Variants in MAGI2 observed in about 807,000 individuals in gnomAD.
MAGI2 encodes the protein membrane associated guanylate kinase, WW and PDZ domain containing 2.
MAGI2 carries 35 observed loss-of-function variants against 133.3 expected under a neutral mutation model. The ratio of observed to expected loss-of-function variants is 0.26; its 90% confidence interval spans 0.20 to 0.35. The LOEUF (loss-of-function observed/expected upper bound fraction) is 0.35. Among genes scored for constraint, MAGI2 ranks in the 10% least tolerant of loss-of-function variants. The probability of loss-of-function intolerance (pLI) is 1.00; values close to 1 mark genes in which losing one functional copy is unlikely to be tolerated. For missense variants in MAGI2, 1,636 were observed against 1,863.4 expected, an observed-to-expected ratio of 0.88 and a Z score of 2.25; for synonymous variants, 729 against 710.6, an observed-to-expected ratio of 1.03 and a Z score of -0.41.
intron 1 of MAGI2, among the ~76,000 whole-genome samples, chr7:79,028,235 GTATATATATA>G (rs1174096501): frequency 1.1e-3 from 31 of 29,330 alleles, no homozygotes; most frequent in African/African-American, 2.4e-3. Flanking sequence ...ATATATGTAT[GTATATATATA>G]TATATATATA....
intron 3 of MAGI2, chr7:78,616,669 T>C (rs1427748180): frequency 6.6e-6 from 1 of 152,128 alleles, no homozygotes; most frequent in African/African-American, 2.4e-5. Context: ...TTATCACACT[T>C]AGGACATGTG....
At chr7:79,131,944 A>G (rs1268352484) in intron 1 of MAGI2, among the ~76,000 whole-genome samples, 1 of 152,174 alleles carries the variant, frequency 6.6e-6, no homozygotes, top group African/African-American at 2.4e-5. Flanking sequence ...TATTACTTAA[A>G]TACGTGTAAA....
chr7:78,882,080 CAACAACAAAAA>C (rs1306479860), intron 2 of MAGI2, among the ~76,000 whole-genome samples: 1 of 15,004 alleles, frequency 6.7e-5, no homozygotes, highest in Non-Finnish European at 1.2e-4. Context: ...ACAACAACAA[CAACAACAAAAA>C]AAAAAAAAAA....
chr7:78,343,395 T>G (rs1790590989), intron 9 of MAGI2, among the ~76,000 whole-genome samples: 1 of 152,200 alleles, frequency 6.6e-6, no homozygotes, highest in Admixed American at 6.5e-5. Flanking sequence ...ACCTGGGTGA[T>G]ATAGCATGAG....
intron 1 of MAGI2, among the ~76,000 whole-genome samples, chr7:79,184,478 A>G (rs763216285): frequency 6.6e-5 from 10 of 151,626 alleles, no homozygotes; most frequent in African/African-American, 2.2e-4. Flanking sequence ...TTAAAATATT[A>G]AAGTTAAAAT....
chr7:79,208,284 T>G (rs937741654), intron 1 of MAGI2, among the ~76,000 whole-genome samples: 1 of 151,750 alleles, frequency 6.6e-6, no homozygotes, highest in Non-Finnish European at 1.5e-5. Context: ...AAAATATACA[T>G]CTGATAAGGG....
intron 2 of MAGI2, among the ~76,000 whole-genome samples, chr7:78,874,963 A>T (rs570627139): frequency 1.1e-4 from 16 of 152,298 alleles, no homozygotes; most frequent in African/African-American, 3.6e-4. Context: ...GCAAGCAGAA[A>T]TCAGAGATTT....
intron 6 of MAGI2, among the ~76,000 whole-genome samples, chr7:78,476,996 C>T (rs767129358): frequency 2.0e-5 from 3 of 151,900 alleles, no homozygotes; most frequent in Non-Finnish European, 2.9e-5. Flanking sequence ...GAAATCAGAT[C>T]GTCTCACTTC....
chr7:78,257,126 G>A (rs554636574), intron 9 of MAGI2, among the ~76,000 whole-genome samples: 13 of 151,838 alleles, frequency 8.6e-5, no homozygotes, highest in Admixed American at 5.2e-4. Flanking sequence ...ATGTATATGC[G>A]AGCAAAGGTC....
At chr7:79,267,420 G>T (rs1453664279) in intron 1 of MAGI2, among the ~76,000 whole-genome samples, 1 of 152,144 alleles carries the variant, frequency 6.6e-6, no homozygotes, top group Non-Finnish European at 1.5e-5. Context: ...CTTTGTGCAG[G>T]ACTTAACACT....
intron 1 of MAGI2, among the ~76,000 whole-genome samples, chr7:79,126,664 G>C (rs1184855258): frequency 6.6e-6 from 1 of 151,976 alleles, no homozygotes; most frequent in Non-Finnish European, 1.5e-5. Flanking sequence ...GCCTGAAAGA[G>C]TTCTAACTGA....
intron 2 of MAGI2, among the ~76,000 whole-genome samples, chr7:78,695,752 A>G (rs1817444013): frequency 6.6e-6 from 1 of 152,202 alleles, no homozygotes; most frequent in Non-Finnish European, 1.5e-5. Context: ...ATAATACACC[A>G]TCTTTTATTA....
chr7:78,441,959 G>T (rs1787677538), intron 6 of MAGI2, among the ~76,000 whole-genome samples: 1 of 152,058 alleles, frequency 6.6e-6, no homozygotes, highest in Non-Finnish European at 1.5e-5. Flanking sequence ...GAGTAATTCA[G>T]CTCTCTCCAG....
At chr7:78,060,504 A>G (rs1813128844) in intron 21 of MAGI2, among the ~76,000 whole-genome samples, 1 of 152,252 alleles carries the variant, frequency 6.6e-6, no homozygotes, top group African/African-American at 2.4e-5. Context: ...TTTGAATACC[A>G]CAAAGGGGAG....
chr7:78,793,213 T>C lies in MAGI2; in HGVS notation c.419-165974A>G, dbSNP rs1787320759. On this transcript the variant is annotated intron_variant, in intron 2 of 21. Transcript: ENST00000354212. ...AGAGAGAGGGGTGTAGAGGAGAGAC[T>C]CCAACTGATGTTTGAGAGATATGCA... 3.3e-5 allele frequency among the ~76,000 whole-genome samples: 5 copies of C among 152,152 alleles called. No individual in the cohort carries two copies. The South Asian group carries it at 1.0e-3, about 31-fold the overall frequency.
At chr7:78,344,049 A>G (rs1287650329) in intron 8 of MAGI2, 89 bp from the exon 9 acceptor site, 4 of 1,185,788 alleles carry the variant, frequency 3.4e-6, no homozygotes, top group Admixed American at 2.5e-5. Context: ...AGCAGCGACA[A>G]TCCCAGGGGT....
chr7:78,650,241 T>A (rs1011445047), intron 2 of MAGI2, among the ~76,000 whole-genome samples: 9 of 152,140 alleles, frequency 5.9e-5, no homozygotes, highest in African/African-American at 1.7e-4. Context: ...AAAGCACGCA[T>A]TAGAAATAGG....
chr7:78,997,459 G>A (rs987024127), intron 2 of MAGI2, among the ~76,000 whole-genome samples: 8 of 152,032 alleles, frequency 5.3e-5, no homozygotes, highest in African/African-American at 1.9e-4. Flanking sequence ...AAAATTAGCT[G>A]GGCATGGTGG....
chr7:78,804,298 A>G (rs1222450136), intron 2 of MAGI2, among the ~76,000 whole-genome samples: 2 of 152,144 alleles, frequency 1.3e-5, no homozygotes, highest in Non-Finnish European at 2.9e-5. Flanking sequence ...ATATAGAAAC[A>G]CATTAACGGT....
Sources: gnomAD v4.1 joint callset for allele counts (sites outside exome capture counted in the v4.1 genomes callset) on GRCh38, gnomAD v4.1.1 for gene constraint, MANE v1.5 for transcripts, NCBI Gene and HGNC (gene_info 2026-07-23, HGNC 2026-07-21) for gene names.